GANC: variants seen among roughly 807,000 people sequenced by gnomAD.
GANC encodes neutral alpha-glucosidase C.
A neutral mutation model predicts 124.2 loss-of-function variants in GANC; 117 were observed. That is an observed-to-expected ratio of 0.94 (90% CI 0.81 to 1.10). The LOEUF (loss-of-function observed/expected upper bound fraction) is 1.10. Ranked by LOEUF, GANC falls within the 50% of genes least tolerant of loss-of-function variation. The pLI is 0.00. For synonymous variants in GANC, 377 were observed against 376.8 expected (o/e 1.00, Z -0.01); for missense variants, 1,140 against 1,095.0 (o/e 1.04, Z -0.58).
intron 23 of GANC, 152 bp from the exon 24 acceptor site, chr15:42,351,878 C>T: frequency 1.0e-6 from 1 of 971,568 alleles, no homozygotes; most frequent in South Asian, 1.8e-5. Flanking sequence ...GTTTCTAAAA[C>T]TTCATGGAAG....
In GANC at chr15:42,273,418, C is replaced by G. The variant is rs2051605092; in HGVS notation, c.-1064C>G. The G allele has an allele frequency of 1.9e-6, 3 of 1,613,390 alleles. No homozygotes were observed. The highest frequency in any genetic ancestry group is 2.5e-6 in the Non-Finnish European group (3 of 1,179,842). On this transcript the variant is annotated 5_prime_UTR_variant, in exon 1 of 24. Coordinates refer to ENST00000318010, the MANE Select transcript of GANC (RefSeq NM_198141.3). ...CGCCATCTTCACAGCCGTGGAGTGCCTACCGAAAGCATTTCACCCTCTTCC... is the reference window on the plus strand; with the variant it reads ...CGCCATCTTCACAGCCGTGGAGTGCGTACCGAAAGCATTTCACCCTCTTCC...
At chr15:42,302,880 T>G (rs554303715) in intron 6 of GANC, among the ~76,000 whole-genome samples, 1 of 152,272 alleles carries the variant, frequency 6.6e-6, no homozygotes, top group East Asian at 1.9e-4. Flanking sequence ...TACCTTTGAT[T>G]GATACACCTG....
chr15:42,342,163 G>A (rs1472590085), intron 18 of GANC, among the ~76,000 whole-genome samples: 1 of 152,160 alleles, frequency 6.6e-6, no homozygotes, highest in Non-Finnish European at 1.5e-5. Flanking sequence ...GCCTAGCATG[G>A]TGCCCGGCAT....
intron 3 of GANC, among the ~76,000 whole-genome samples, chr15:42,282,899 T>G (rs917441279): frequency 2.0e-5 from 3 of 152,200 alleles, no homozygotes; most frequent in Admixed American, 1.3e-4. Context: ...GATGGCTGCC[T>G]TCTTCTTGTG....
chr15:42,336,283 G>A (rs1253384660), intron 15 of GANC, among the ~76,000 whole-genome samples: 1 of 152,110 alleles, frequency 6.6e-6, no homozygotes, highest in African/African-American at 2.4e-5. Context: ...ACAAAAACAG[G>A]CATGTAGACC....
Position 42,349,507 on chromosome 15 carries a change from T to C in GANC, c.2531+12T>C. Reference sequence around the variant, plus strand: ...GTTCTGATCAATAGGTAATGGCAGCTAAAGAAACTGTTTGTTTTCTTAAGT... The same window carrying C: ...GTTCTGATCAATAGGTAATGGCAGCCAAAGAAACTGTTTGTTTTCTTAAGT... On this transcript the variant is annotated intron_variant, in intron 22 of 23. Coordinates refer to ENST00000318010, the MANE Select transcript of GANC (RefSeq NM_198141.3). The C allele has an allele frequency of 3.5e-6, 5 of 1,446,860 alleles. No individual in the cohort carries two copies. Among genetic ancestry groups the C allele is most frequent in the Non-Finnish European group, 4.9e-6 (5 of 1,027,786 alleles). The allele number at this position is 1,446,860 out of a possible 1,614,324, so 89.6% of individuals were successfully genotyped here.
At chr15:42,299,389 G>A (rs762907256) in intron 6 of GANC, among the ~76,000 whole-genome samples, 5 of 152,040 alleles carry the variant, frequency 3.3e-5, no homozygotes, top group East Asian at 1.9e-4. Context: ...ATGTTGAACC[G>A]GCCTTGCCCC....
At chr15:42,276,551 C>T in intron 2 of GANC, 141 bp downstream of exon 2, 1 of 523,962 alleles carries the variant, frequency 1.9e-6, no homozygotes. Context: ...ACAGGAGACT[C>T]ACTTTTAACT....
chr15:42,287,283 A>G (rs2051798783), intron 3 of GANC, among the ~76,000 whole-genome samples: 1 of 152,168 alleles, frequency 6.6e-6, no homozygotes, highest in South Asian at 2.1e-4. Context: ...ATCCAGCTGG[A>G]ATCTAGTTAC....
In GANC at chr15:42,336,634, G is replaced by A. The variant is rs146175442; in HGVS notation, c.1742-1755G>A. ...GGAACAAAAGCAAAATTGACAAATGGGATCTAATTAAACTAAACAGCTTCT... is the reference window on the plus strand; with the variant it reads ...GGAACAAAAGCAAAATTGACAAATGAGATCTAATTAAACTAAACAGCTTCT... On this transcript the variant is annotated intron_variant, in intron 15 of 23. Transcript: ENST00000318010. Among the ~76,000 whole-genome samples the A allele has an allele frequency of 2.2e-3, 340 of 152,248 alleles. 1 individual carries two copies. Among genetic ancestry groups the A allele is most frequent in the African/African-American group, 7.9e-3 (329 of 41,558 alleles).
At chr15:42,322,095 CAGT>C (rs2052164179) in intron 11 of GANC, 75 bp downstream of exon 11, 1 of 1,193,200 alleles carries the variant, frequency 8.4e-7, no homozygotes, top group Non-Finnish European at 1.2e-6. Flanking sequence ...CTTGGCACAT[CAGT>C]GGTGGAGAAA....
intron 3 of GANC, 64 bp from the exon 4 acceptor site, chr15:42,287,627 T>C (rs745420466): frequency 2.2e-4 from 345 of 1,538,114 alleles, no homozygotes; most frequent in Non-Finnish European, 2.8e-4. Flanking sequence ...ATTATTGTAA[T>C]TGGTGCAAAA....
intron 6 of GANC, among the ~76,000 whole-genome samples, chr15:42,300,715 T>C (rs1352365885): frequency 1.3e-5 from 2 of 152,112 alleles, no homozygotes; most frequent in African/African-American, 2.4e-5. Flanking sequence ...CCATCAGTGA[T>C]AGACTGGATA....
intron 10 of GANC, chr15:42,314,202 C>G: frequency 2.6e-6 from 2 of 754,908 alleles, no homozygotes; most frequent in South Asian, 2.7e-5. Context: ...AAAATATTCC[C>G]CACAAGGAGT....
chr15:42,327,869 G>T (rs1298055622), intron 13 of GANC, among the ~76,000 whole-genome samples: 1 of 152,158 alleles, frequency 6.6e-6, no homozygotes, highest in Non-Finnish European at 1.5e-5. Flanking sequence ...AAACTGGAGA[G>T]GCCACATCTG....
At chr15:42,295,344 A>C (rs1452361750) in intron 5 of GANC, among the ~76,000 whole-genome samples, 1 of 152,076 alleles carries the variant, frequency 6.6e-6, no homozygotes. Flanking sequence ...TCCATGATTT[A>C]CATTTATATT....
chr15:42,304,407 A>C (rs1287065344), intron 6 of GANC, among the ~76,000 whole-genome samples: 1 of 152,208 alleles, frequency 6.6e-6, no homozygotes, highest in East Asian at 1.9e-4. Context: ...TACAACTTAC[A>C]AGGGATGTAA....
At chr15:42,305,953 G>A (rs1308087133) in intron 6 of GANC, among the ~76,000 whole-genome samples, 2 of 151,818 alleles carry the variant, frequency 1.3e-5, no homozygotes, top group African/African-American at 2.4e-5. Context: ...GGGGATGGGG[G>A]GCTAGGGGAG....
chr15:42,349,492 A>G lies in GANC; in HGVS notation c.2528A>G (p.Asn843Ser), dbSNP rs764659834. ...TCATTCTGTTCCAGTGTTCTGATCA[A>G]TAGGTAATGGCAGCTAAAGAAACTG... ...KFSFCSSVLINSFADQRGHYP... is the reference protein window; with the variant it reads ...KFSFCSSVLISSFADQRGHYP... Residue 843 changes from asparagine (N) to serine (S), a missense_variant, in exon 22 of 24, where the codon AAT (asparagine) becomes AGT (serine). Transcript: ENST00000318010. 1.9e-6 allele frequency: 3 copies of G among 1,566,396 alleles called. No homozygotes were observed. Among genetic ancestry groups the G allele is most frequent in the Admixed American group, 1.7e-5 (1 of 59,928 alleles).
Sources: gnomAD v4.1 joint callset for allele counts (sites outside exome capture counted in the v4.1 genomes callset) on GRCh38, gnomAD v4.1.1 for gene constraint, MANE v1.5 for transcripts, NCBI Gene and HGNC (gene_info 2026-07-23, HGNC 2026-07-21) for gene names.